Variants in WWOX observed in about 807,000 individuals in gnomAD.
WWOX encodes the protein WW domain-containing oxidoreductase.
In WWOX, 69 loss-of-function variants were observed where a neutral mutation model predicts 46.2. The ratio of observed to expected loss-of-function variants is 1.49; its 90% CI spans 1.23 to 1.82. The LOEUF is 1.82. Ranked by LOEUF, WWOX falls within the 40% of genes most tolerant of loss-of-function variation. The pLI, the probability that WWOX is intolerant of heterozygous loss-of-function variation, is 0.00. For synonymous variants in WWOX, 359 were observed against 202.6 expected, an observed-to-expected ratio of 1.77 and a Z score of -6.56; for missense variants, 919 against 542.6, an observed-to-expected ratio of 1.69 and a Z score of -6.89.
rs2045328716 is a variant in WWOX at position 78,919,522 on chromosome 16, T to TG, written c.1057-292086_1057-292085insG. On this transcript the variant is annotated intron_variant, in intron 8 of 8. Transcript: ENST00000566780. ...CTTTTTTTTCTTTTATCTTTTTGTTTTGTTTTTTTTTTTTTTGAGGGAGTC... is the reference window on the plus strand; with the variant it reads ...CTTTTTTTTCTTTTATCTTTTTGTTTGTGTTTTTTTTTTTTTTGAGGGAGTC... Among the ~76,000 whole-genome samples the TG allele has an allele frequency of 4.2e-5, 4 of 94,786 alleles. 1 individual carries two copies. Among genetic ancestry groups the TG allele is most frequent in the Admixed American group, 3.8e-4 (3 of 7,990 alleles). 62.2% of individuals were successfully genotyped at this position (94,786 alleles called of 152,430 possible).
At chr16:79,136,087 G>T (rs1461834876) in intron 8 of WWOX, among the ~76,000 whole-genome samples, 1 of 152,102 alleles carries the variant, frequency 6.6e-6, no homozygotes, top group East Asian at 1.9e-4. Flanking sequence ...GAATTTGGCA[G>T]AATACCATTT....
chr16:78,624,822 G>C (rs1204917537), intron 8 of WWOX, among the ~76,000 whole-genome samples: 1 of 152,148 alleles, frequency 6.6e-6, no homozygotes, highest in East Asian at 1.9e-4. Flanking sequence ...TTTCTGGCTT[G>C]AATTTGTTTG....
chr16:79,168,510 C>A (rs975201503), intron 8 of WWOX, among the ~76,000 whole-genome samples: 2 of 152,100 alleles, frequency 1.3e-5, no homozygotes, highest in African/African-American at 4.8e-5. Context: ...GCATCCAGTC[C>A]CTGTTATTTC....
intron 8 of WWOX, among the ~76,000 whole-genome samples, chr16:78,903,094 C>T (rs1332526175): frequency 1.3e-5 from 2 of 152,194 alleles, no homozygotes; most frequent in Non-Finnish European, 2.9e-5. Context: ...AGCAAAACTA[C>T]ACTCCATAGA....
chr16:78,214,149 G>T (rs1481409316), intron 5 of WWOX, among the ~76,000 whole-genome samples: 1 of 152,086 alleles, frequency 6.6e-6, no homozygotes, highest in Non-Finnish European at 1.5e-5. Context: ...ATTGCAGACT[G>T]ACCCCCTGGA....
chr16:78,522,445 T>A (rs899726420), intron 8 of WWOX, among the ~76,000 whole-genome samples: 1 of 152,216 alleles, frequency 6.6e-6, no homozygotes, highest in Non-Finnish European at 1.5e-5. Context: ...TCACTCATCC[T>A]GCTCTCGGGC....
intron 8 of WWOX, among the ~76,000 whole-genome samples, chr16:78,585,622 C>T (rs961337582): frequency 1.8e-4 from 28 of 151,908 alleles, no homozygotes; most frequent in African/African-American, 6.5e-4. Context: ...CAAGTCACTT[C>T]GCAGCACAAT....
At chr16:78,123,456 T>TTTTTTTTTTTG (rs2033215837) in intron 4 of WWOX, 25 of 14,426 alleles carry the variant, frequency 1.7e-3, no homozygotes, top group South Asian at 3.3e-3. Context: ...TTTTTTTTTG[T>TTTTTTTTTTTG]TTTTTTTTTT....
At chr16:79,117,998 G>C (rs1457534267) in intron 8 of WWOX, among the ~76,000 whole-genome samples, 1 of 152,246 alleles carries the variant, frequency 6.6e-6, no homozygotes, top group Non-Finnish European at 1.5e-5. Flanking sequence ...CACTAGAATA[G>C]CACTTTTAAT....
chr16:78,758,208 A>C (rs1456363915), intron 8 of WWOX, among the ~76,000 whole-genome samples: 1 of 152,250 alleles, frequency 6.6e-6, no homozygotes, highest in African/African-American at 2.4e-5. Flanking sequence ...AGATGAAGAT[A>C]AACCTATATA....
In WWOX at chr16:78,988,611, C is replaced by G. The variant is rs2046826418; in HGVS notation, c.1057-222997C>G. ...ACTCTTTGCCATTGTTCAAGCCCTG[C>G]TAGAAACCAGATGGCAAAAGGAAGT... is the stretch of plus-strand genomic sequence containing the variant. On this transcript the variant is annotated intron_variant, in intron 8 of 8. Coordinates refer to ENST00000566780, the MANE Select transcript of WWOX (RefSeq NM_016373.4). 3.3e-5 allele frequency among the ~76,000 whole-genome samples: 5 copies of G among 152,232 alleles called. No individual in the cohort carries two copies. In the South Asian group the frequency reaches 1.0e-3, roughly 32 times the overall value.
rs143720570 is a variant in WWOX, at chr16:79,154,934, G to A, written c.1057-56674G>A. On this transcript the variant is annotated intron_variant, in intron 8 of 8. Coordinates refer to ENST00000566780, the MANE Select transcript of WWOX (RefSeq NM_016373.4). The stretch of plus-strand genomic sequence containing the variant: ...AAAAAATGAAAGAAAGAAAGAAGAG[G>A]AAGAGCTGTCATTCCTCTGACAAGT... 2.4e-3 allele frequency among the ~76,000 whole-genome samples: 366 copies of A among 152,310 alleles called. 3 individuals carry two copies. The highest frequency in any genetic ancestry group is 8.4e-3 in the African/African-American group (347 of 41,554).
chr16:78,826,089 G>A, intron 8 of WWOX: 1 of 346,334 alleles, frequency 2.9e-6, no homozygotes, highest in Non-Finnish European at 5.2e-6. Context: ...AAGACAACCG[G>A]GAATGCCTGT....
chr16:79,203,472 T>C (rs2051407163), intron 8 of WWOX: 1 of 151,468 alleles, frequency 6.6e-6, no homozygotes, highest in East Asian at 1.9e-4. Flanking sequence ...CTTCCCATGA[T>C]GTGGCCCCAG....
rs182360929 is a variant in WWOX at position 78,621,026 on chromosome 16, C to A, written c.1056+188274C>A. On this transcript the variant is annotated intron_variant, in intron 8 of 8. Coordinates refer to ENST00000566780, the MANE Select transcript of WWOX (RefSeq NM_016373.4). ...CCAACTCAAAGGCTGTTGAAAGGCT[C>A]CTTCTGTTTAAGGTAAAGCCTGTGG... Among the ~76,000 whole-genome samples the A allele has an allele frequency of 5.3e-5, 8 of 152,240 alleles. No homozygotes were observed. In the East Asian group the frequency reaches 1.4e-3, roughly 26 times the overall value.
chr16:78,154,898 T>G (rs948943617), intron 4 of WWOX, among the ~76,000 whole-genome samples: 1 of 152,162 alleles, frequency 6.6e-6, no homozygotes, highest in African/African-American at 2.4e-5. Flanking sequence ...CAAGGATGTT[T>G]CCTGAATAAT....
At chr16:79,101,712 C>A (rs1333082500) in intron 8 of WWOX, 1 of 150,396 alleles carries the variant, frequency 6.6e-6, no homozygotes, top group African/African-American at 2.5e-5. Context: ...CATTTCTCAT[C>A]CTCTCTCTCT....
intron 8 of WWOX, among the ~76,000 whole-genome samples, chr16:79,026,303 G>T (rs1403298395): frequency 2.6e-5 from 4 of 151,626 alleles, no homozygotes; most frequent in Non-Finnish European, 5.9e-5. Context: ...CAGGGCCTTT[G>T]CACATCCTCT....
intron 6 of WWOX, among the ~76,000 whole-genome samples, chr16:78,410,057 C>T (rs2082641610): frequency 6.6e-6 from 1 of 152,190 alleles, no homozygotes; most frequent in South Asian, 2.1e-4. Context: ...TCATGCATGA[C>T]TTACGGCCAT....
Sources: gnomAD v4.1 joint callset for allele counts (sites outside exome capture counted in the v4.1 genomes callset) on GRCh38, gnomAD v4.1.1 for gene constraint, MANE v1.5 for transcripts, NCBI Gene and HGNC (gene_info 2026-07-23, HGNC 2026-07-21) for gene names.